ATRIP: variants seen among roughly 807,000 people sequenced by gnomAD.
ATRIP encodes ATR-interacting protein.
A neutral mutation model predicts 78.1 loss-of-function variants in ATRIP; 44 were observed. That is an observed-to-expected ratio of 0.56 (90% confidence interval 0.44 to 0.72). ATRIP has a LOEUF of 0.72. Ranked by LOEUF, ATRIP falls within the 30% of genes least tolerant of loss-of-function variation. The pLI is 0.00. For synonymous variants in ATRIP, 388 were observed against 408.9 expected, an observed-to-expected ratio of 0.95 and a Z score of 0.62; for missense variants, 927 against 980.2, an observed-to-expected ratio of 0.95 and a Z score of 0.72.
At chr3:48,454,269 C>A in intron 3 of ATRIP, 31 bp from the exon 4 acceptor site, 3 of 1,307,326 alleles carry the variant, frequency 2.3e-6, no homozygotes, top group South Asian at 1.2e-5. Context: ...TATGATGGGA[C>A]CACTACAAGC....
chr3:48,461,667 C>T (rs1008541762), intron 8 of ATRIP, among the ~76,000 whole-genome samples: 1 of 151,842 alleles, frequency 6.6e-6, no homozygotes, highest in African/African-American at 2.4e-5. Flanking sequence ...GGGCCCAGCT[C>T]ATAGTGGCTG....
rs757261402 is a variant in ATRIP at position 48,464,083 on chromosome 3, G to A, written c.1925G>A (p.Arg642Gln). The A allele has an allele frequency of 9.3e-6, 15 of 1,613,822 alleles. No individual in the cohort carries two copies. The highest frequency in any genetic ancestry group is 4.5e-5 in the East Asian group (2 of 44,890). Residue 642 changes from arginine (R) to glutamine (Q), a missense_variant, in exon 10 of 13, where the codon CGG (arginine) becomes CAG (glutamine). Arg to Gln is a conservative substitution (Grantham distance 43, BLOSUM62 1). Coordinates refer to ENST00000320211, the MANE Select transcript of ATRIP (RefSeq NM_130384.3). ...LLLLYMYITS[R>Q]PDRVALETQW... is the part of the protein sequence containing the mutation. ...CTGCTGTACATGTACATCACATCAC[G>A]GCCTGACAGAGTGGCCTTGGAGACA...
chr3:48,459,714 A>T, intron 6 of ATRIP, 73 bp from the exon 7 acceptor site: 1 of 1,569,284 alleles, frequency 6.4e-7, no homozygotes. Flanking sequence ...AAGAATCCTT[A>T]CTGTTTCCTT....
Position 48,461,049 on chromosome 3 carries a change from T to C in ATRIP, c.1745+250T>C, listed in dbSNP as rs139200628. On this transcript the variant is annotated intron_variant, in intron 8 of 12. Transcript: ENST00000320211. ...GGCACACATGATTAAAGGAGGCTGCTAACCTCTGTGGAGGAGGGCCCTGCC... is the reference window on the plus strand; with the variant it reads ...GGCACACATGATTAAAGGAGGCTGCCAACCTCTGTGGAGGAGGGCCCTGCC... 5.6e-3 allele frequency among the ~76,000 whole-genome samples: 856 copies of C among 152,356 alleles called. 6 individuals are homozygous for C. The highest frequency in any genetic ancestry group is 0.02 in the African/African-American group (819 of 41,586).
chr3:48,464,105 G>A lies in ATRIP; in HGVS notation c.1947G>A (p.Glu649=), dbSNP rs141166834. ...ITSRPDRVAL[E]TQWLQLEQEV... ...CACGGCCTGACAGAGTGGCCTTGGA[G>A]ACACAATGGCTCCAGCTGGAACAAG... The change falls in exon 10 of 13, where the codon GAG becomes GAA. Residue 649 remains glutamate (E), a synonymous_variant. Transcript: ENST00000320211. 1.5e-4 allele frequency: 236 copies of A among 1,613,748 alleles called. No homozygotes were observed. Among genetic ancestry groups the A allele is most frequent in the Non-Finnish European group, 2.0e-4 (232 of 1,180,010 alleles).
At chr3:48,447,148 C>T in intron 1 of ATRIP, 56 bp downstream of exon 1, 2 of 1,403,518 alleles carry the variant, frequency 1.4e-6, no homozygotes, top group African/African-American at 3.0e-5. Flanking sequence ...CGCCAGATCC[C>T]CTTGATGGCT....
chr3:48,457,388 A>G lies in ATRIP; in HGVS notation c.801A>G (p.Ser267=). Residue 267 remains serine, a synonymous_variant, in exon 5 of 13, where the codon TCA becomes TCG. Transcript: ENST00000320211. ...TTCCCCACCCCTGCCAGACGGAGTC[A>G]GGATACAAGCCTCTGGTGGGCAGAG... The part of the protein sequence containing the change: ...MSLPHPCQTE[S]GYKPLVGRED... The G allele has an allele frequency of 6.3e-7, 1 of 1,595,926 alleles. No individual in the cohort carries two copies. Among genetic ancestry groups the G allele is most frequent in the South Asian group, 1.1e-5 (1 of 87,382 alleles).
Position 48,467,175 on chromosome 3 carries a change from AG to A in ATRIP, c.*1623del, listed in dbSNP as rs1242366963. The A allele has an allele frequency of 6.2e-7, 1 of 1,613,782 alleles. No individual in the cohort carries two copies. The highest frequency in any genetic ancestry group is 8.5e-7 in the Non-Finnish European group (1 of 1,179,910). On this transcript the variant is annotated 3_prime_UTR_variant, in exon 13 of 13. Transcript: ENST00000320211. ...AAGCAGCCCCTCAGAACACGGCCCA[AG>A]GAAGAGCTATAGCCTAGGCAGCATC...
intron 8 of ATRIP, 75 bp downstream of exon 8, chr3:48,460,874 TAC>T: frequency 7.2e-7 from 1 of 1,383,650 alleles, no homozygotes; most frequent in Non-Finnish European, 9.9e-7. Context: ...ATGGCACTTG[TAC>T]TTTGCTCACA....
Position 48,446,932 on chromosome 3 carries a change from C to G in ATRIP, c.87C>G (p.Pro29=), listed in dbSNP as rs751671447. 2 of 1,459,164 alleles carry G rather than the reference C, an allele frequency of 1.4e-6. No individual in the cohort carries two copies. Among genetic ancestry groups the G allele is most frequent in the Non-Finnish European group, 9.0e-7 (1 of 1,105,742 alleles). 90.4% of individuals were successfully genotyped at this position (1,459,164 alleles called of 1,614,324 possible). The change falls in exon 1 of 13, where the codon CCC becomes CCG. Residue 29 remains proline, a synonymous_variant. Transcript: ENST00000320211. The part of the protein sequence containing the change: ...RPGPPPGTGH[P]PSKRARGFSA... ...GCCCGCCGCCGGGCACCGGGCACCC[C>G]CCGAGCAAGCGGGCCCGGGGCTTCT...
At chr3:48,459,634 C>A in intron 6 of ATRIP, 153 bp from the exon 7 acceptor site, 1 of 1,188,708 alleles carries the variant, frequency 8.4e-7, no homozygotes, top group Non-Finnish European at 1.2e-6. Flanking sequence ...GCAGGTATGT[C>A]CCAGAGCCTT....
chr3:48,465,027 T>G lies in ATRIP; in HGVS notation c.2252T>G (p.Val751Gly). 1 of 1,613,840 alleles carries G rather than the reference T, an allele frequency of 6.2e-7. No homozygotes were observed. Among genetic ancestry groups the G allele is most frequent in the Non-Finnish European group, 8.5e-7 (1 of 1,179,938 alleles). ...CVEVLHQFDQ[V>G]MPGVSMLIRG... is the part of the protein sequence containing the mutation. ...GAGGTCCTGCATCAGTTTGACCAGG[T>G]GATGCCGGGGGTCAGCATGCTCATC... Residue 751 changes from valine to glycine, a missense_variant, in exon 12 of 13, where the codon GTG becomes GGG. Transcript: ENST00000320211.
rs1252837315 is a variant in ATRIP at position 48,457,320 on chromosome 3, A to C, written c.733A>C (p.Thr245Pro). The change falls in exon 5 of 13, where the codon ACA (threonine) becomes CCA (proline). Residue 245 changes from threonine (T) to proline (P), a missense_variant. Physicochemically the swap from Thr to Pro is conservative, Grantham distance 38. Coordinates refer to ENST00000320211, the MANE Select transcript of ATRIP (RefSeq NM_130384.3). ...AGCATGTTCTCCACAATTTGGAAAA[A>C]CATCTTTTCCTACAAAGGAGTCTTT... ...PEACSPQFGK[T>P]SFPTKESFSA... 10 of 1,606,928 alleles carry C rather than the reference A, an allele frequency of 6.2e-6. No homozygotes were observed. Among genetic ancestry groups the C allele is most frequent in the Non-Finnish European group, 8.5e-6 (10 of 1,177,090 alleles).
In ATRIP at chr3:48,467,513, G is replaced by T; in HGVS notation, c.*1959G>T. 1 of 1,614,044 alleles carries T rather than the reference G, an allele frequency of 6.2e-7. No homozygotes were observed. Among genetic ancestry groups the T allele is most frequent in the Non-Finnish European group, 8.5e-7 (1 of 1,180,006 alleles). On this transcript the variant is annotated 3_prime_UTR_variant, in exon 13 of 13. Coordinates refer to ENST00000320211, the MANE Select transcript of ATRIP (RefSeq NM_130384.3). ...ACCCTGGAGCCCTATCCAGGGAGGG[G>T]CTGCTGGCCCCACTGGGTCTGCTGG...
At position 48,467,136 on chromosome 3, in the gene ATRIP, G is replaced by A. The variant is rs1018820696; in HGVS notation, c.*1582G>A. ...TGTGGATAGCATCACTGCGCTGAAG[G>A]CCCTGGAGCGAGCAAGCAGCCCCTC... is the stretch of plus-strand genomic sequence containing the variant. On this transcript the variant is annotated 3_prime_UTR_variant, in exon 13 of 13. Transcript: ENST00000320211. The A allele has an allele frequency of 1.9e-6, 3 of 1,614,004 alleles. No homozygotes were observed. Among genetic ancestry groups the A allele is most frequent in the Admixed American group, 1.7e-5 (1 of 60,030 alleles).
At position 48,457,304 on chromosome 3, in the gene ATRIP, T is replaced by C. The variant is rs2039977646; in HGVS notation, c.717T>C (p.Ser239=). The C allele has an allele frequency of 1.2e-6, 2 of 1,605,998 alleles. No homozygotes were observed. The highest frequency in any genetic ancestry group is 1.3e-5 in the African/African-American group (1 of 74,484). Residue 239 remains serine (S), a synonymous_variant, in exon 5 of 13, where the codon TCT becomes TCC. Coordinates refer to ENST00000320211, the MANE Select transcript of ATRIP (RefSeq NM_130384.3). ...PSVVIKPEAC[S]PQFGKTSFPT... is the part of the protein sequence containing the mutation. ...TGGTTATAAAGCCAGAAGCATGTTC[T>C]CCACAATTTGGAAAAACATCTTTTC...
intron 6 of ATRIP, 114 bp downstream of exon 6, chr3:48,459,568 G>A: frequency 8.2e-7 from 1 of 1,212,830 alleles, no homozygotes; most frequent in Non-Finnish European, 1.2e-6. Flanking sequence ...GAGAGTCCAG[G>A]GAAGTCAAAG....
chr3:48,463,434 T>A (rs1428079087), intron 8 of ATRIP, among the ~76,000 whole-genome samples: 1 of 151,778 alleles, frequency 6.6e-6, no homozygotes, highest in Non-Finnish European at 1.5e-5. Flanking sequence ...CATCCCTGTT[T>A]GGGAGCATGT....
intron 1 of ATRIP, among the ~76,000 whole-genome samples, chr3:48,449,348 A>T (rs2039769189): frequency 7.8e-6 from 1 of 128,868 alleles, no homozygotes; most frequent in African/African-American, 2.9e-5. Flanking sequence ...TGGGAGGTGG[A>T]GGTTGCAGTG....
Sources: gnomAD v4.1 joint callset for allele counts (sites outside exome capture counted in the v4.1 genomes callset) on GRCh38, gnomAD v4.1.1 for gene constraint, MANE v1.5 for transcripts, NCBI Gene and HGNC (gene_info 2026-07-23, HGNC 2026-07-21) for gene names.